The following ANKRD13C variants were observed in gnomAD, a reference collection of about 807,000 sequenced individuals.
ANKRD13C encodes ankyrin repeat domain-containing protein 13C.
In ANKRD13C, 16 loss-of-function variants were observed where a neutral mutation model predicts 65.5. The observed-to-expected ratio is 0.24, with a 90% confidence interval of 0.17 to 0.37. The LOEUF (loss-of-function observed/expected upper bound fraction) is 0.37, where lower values mean the gene tolerates loss of function less well. ANKRD13C is among the 10% of genes least tolerant of loss of function. The pLI is 1.00. For missense variants in ANKRD13C, 503 were observed against 655.9 expected, an observed-to-expected ratio of 0.77 and a Z score of 2.55; for synonymous variants, 235 against 238.7, an observed-to-expected ratio of 0.98 and a Z score of 0.14.
chr1:70,298,154 T>C (rs976203059), intron 7 of ANKRD13C, among the ~76,000 whole-genome samples: 1 of 152,174 alleles, frequency 6.6e-6, no homozygotes, highest in African/African-American at 2.4e-5. Flanking sequence ...ACTTCAAATA[T>C]ATTATGAATC....
chr1:70,313,776 A>G lies in ANKRD13C; in HGVS notation c.678T>C (p.Tyr226=), dbSNP rs762389695. The G allele has an allele frequency of 2.0e-5, 32 of 1,609,880 alleles. No individual in the cohort carries two copies. The highest frequency in any genetic ancestry group is 2.5e-5 in the Non-Finnish European group (30 of 1,176,794). The change falls in exon 5 of 13, where the codon TAT becomes TAC. Residue 226 remains tyrosine (Y), a synonymous_variant. Transcript: ENST00000370944. Reference sequence around the variant, plus strand: ...TTTGAAAATCCCAGTGAAGTTCTAGATAAAAGTCACCTAGCTGAAAAATGA... The same window carrying G: ...TTTGAAAATCCCAGTGAAGTTCTAGGTAAAAGTCACCTAGCTGAAAAATGA... ...LKALKELGDF[Y]LELHWDFQSW... is the part of the protein sequence containing the mutation.
intron 12 of ANKRD13C, among the ~76,000 whole-genome samples, chr1:70,266,339 T>C (rs1029904723): frequency 3.3e-5 from 5 of 152,242 alleles, no homozygotes; most frequent in African/African-American, 1.2e-4. Context: ...TATTGGTGAA[T>C]AGTATATCCC....
chr1:70,347,231 A>G (rs1209357663), intron 1 of ANKRD13C, among the ~76,000 whole-genome samples: 1 of 152,000 alleles, frequency 6.6e-6, no homozygotes, highest in Non-Finnish European at 1.5e-5. Flanking sequence ...TTGCTCTAAA[A>G]CTGATCACCC....
chr1:70,331,318 T>A (rs2101571339), intron 2 of ANKRD13C, among the ~76,000 whole-genome samples: 1 of 151,780 alleles, frequency 6.6e-6, no homozygotes, highest in South Asian at 2.1e-4. Flanking sequence ...CTCAACACTC[T>A]GGGAGGCCGA....
intron 9 of ANKRD13C, among the ~76,000 whole-genome samples, chr1:70,290,539 C>CT (rs768872701): frequency 0.014 from 1,973 of 142,182 alleles, 13 homozygotes; most frequent in South Asian, 0.038. Flanking sequence ...GATTTTTCTC[C>CT]TTTTTTTTTT....
At chr1:70,299,421 A>G (rs1471360893) in intron 7 of ANKRD13C, among the ~76,000 whole-genome samples, 1 of 152,228 alleles carries the variant, frequency 6.6e-6, no homozygotes, top group East Asian at 1.9e-4. Flanking sequence ...ATGTGTTTCT[A>G]AAGTTTAATG....
chr1:70,283,950 T>C (rs1448001470), intron 9 of ANKRD13C, among the ~76,000 whole-genome samples: 1 of 152,188 alleles, frequency 6.6e-6, no homozygotes, highest in African/African-American at 2.4e-5. Flanking sequence ...CAATGATAAC[T>C]GGTTACAACA....
chr1:70,261,682 TTC>T lies in ANKRD13C; in HGVS notation c.*1033_*1034del, dbSNP rs1161111544. 1 of 152,548 alleles carries T rather than the reference TTC, an allele frequency of 6.6e-6. No individual in the cohort carries two copies. The highest frequency in any genetic ancestry group is 1.5e-5 in the Non-Finnish European group (1 of 67,962). 9.4% of individuals were successfully genotyped at this position (152,548 alleles called of 1,614,324 possible). A position where few individuals can be genotyped will look rare whatever the true frequency, so the allele number is the denominator to read the frequency against. On this transcript the variant is annotated 3_prime_UTR_variant, in exon 13 of 13. Transcript: ENST00000370944. ...TGGACTTTAACTTGTAACAAATATA[TTC>T]TGTTAGCATATAAAATGTTTTTATC...
intron 9 of ANKRD13C, among the ~76,000 whole-genome samples, chr1:70,291,413 A>C (rs1679863656): frequency 6.6e-6 from 1 of 152,246 alleles, no homozygotes; most frequent in South Asian, 2.1e-4. Context: ...TAAAAAATAA[A>C]TTTAAGAATG....
Position 70,354,227 on chromosome 1 carries a change from A to T in ANKRD13C, c.182T>A (p.Leu61Gln). The T allele has an allele frequency of 6.2e-7, 1 of 1,613,646 alleles. No homozygotes were observed. The highest frequency in any genetic ancestry group is 8.5e-7 in the Non-Finnish European group (1 of 1,180,014). The change falls in exon 1 of 13, where the codon CTA (leucine) becomes CAA (glutamine). Residue 61 changes from leucine to glutamine, a missense_variant. Transcript: ENST00000370944. ...GGAGGCCGGAGCTGCCTTCAGCTGT[A>T]GCCGGTGGTGATGGTTACTGAAGAT... is the stretch of plus-strand genomic sequence containing the variant. Reference protein sequence around the residue: ...HKIFSNHHHRLQLKAAPASSN... With the variant: ...HKIFSNHHHRQQLKAAPASSN...
At chr1:70,284,212 C>T (rs1205535766) in intron 9 of ANKRD13C, among the ~76,000 whole-genome samples, 2 of 151,710 alleles carry the variant, frequency 1.3e-5, no homozygotes, top group African/African-American at 4.8e-5. Context: ...CAAGAAGAAA[C>T]CCAAAAGCTA....
chr1:70,313,878 T>C (rs1483063458), intron 4 of ANKRD13C, 88 bp from the exon 5 acceptor site: 6 of 908,036 alleles, frequency 6.6e-6, no homozygotes, highest in Non-Finnish European at 1.1e-5. Flanking sequence ...TAAAACATTA[T>C]AATACATGCA....
At chr1:70,268,461 G>A (rs2101108888) in intron 12 of ANKRD13C, among the ~76,000 whole-genome samples, 1 of 152,212 alleles carries the variant, frequency 6.6e-6, no homozygotes, top group East Asian at 1.9e-4. Context: ...TGTGCCCGGC[G>A]ATACAGCTAG....
rs779248014 is a variant in ANKRD13C at position 70,296,165 on chromosome 1, C to A, written c.1018G>T (p.Ala340Ser). ...LSTKSISFTR[A>S]QTGWLFREDK... ...TCCCGAAAAAGCCATCCTGTCTGGG[C>A]ACGCGTGAAAGAAATTGATTTTGTT... is the stretch of plus-strand genomic sequence containing the variant. Residue 340 changes from alanine (A) to serine (S), a missense_variant, in exon 8 of 13, where the codon GCC becomes TCC. Physicochemically the swap from Ala to Ser is moderately conservative, Grantham distance 99. Around this residue, in one of 2 missense-constraint regions of ANKRD13C, gnomAD observed 300 missense variants for 478.3 expected, o/e 0.63. Coordinates refer to ENST00000370944, the MANE Select transcript of ANKRD13C (RefSeq NM_030816.5). The A allele has an allele frequency of 2.5e-6, 4 of 1,613,892 alleles. No homozygotes were observed. The highest frequency in any genetic ancestry group is 1.1e-5 in the South Asian group (1 of 91,052).
At chr1:70,292,347 CT>C in intron 9 of ANKRD13C, 40 bp downstream of exon 9, 1 of 1,478,068 alleles carries the variant, frequency 6.8e-7, no homozygotes, top group Non-Finnish European at 9.1e-7. Flanking sequence ...TATCCCCTCT[CT>C]TCTTAGAAAA....
At chr1:70,314,967 G>A (rs777483740) in intron 4 of ANKRD13C, among the ~76,000 whole-genome samples, 1 of 152,130 alleles carries the variant, frequency 6.6e-6, no homozygotes, top group Non-Finnish European at 1.5e-5. Context: ...GGCCGGGCAC[G>A]GTGGCTCACG....
chr1:70,328,298 C>T (rs536780662), intron 2 of ANKRD13C, among the ~76,000 whole-genome samples: 3 of 152,136 alleles, frequency 2.0e-5, no homozygotes, highest in African/African-American at 7.2e-5. Context: ...AAGGAATGTT[C>T]ACGGTGTACT....
intron 3 of ANKRD13C, among the ~76,000 whole-genome samples, chr1:70,319,836 A>G (rs1681231313): frequency 6.6e-6 from 1 of 152,112 alleles, no homozygotes; most frequent in South Asian, 2.1e-4. Flanking sequence ...ATACTTCAGA[A>G]TGCCACAGAA....
At chr1:70,302,359 G>C (rs749191655) in intron 6 of ANKRD13C, among the ~76,000 whole-genome samples, 40 of 152,080 alleles carry the variant, frequency 2.6e-4, no homozygotes, top group Non-Finnish European at 4.6e-4. Context: ...CTAGCTTTTA[G>C]TCCACTCCCA....
Sources: allele counts gnomAD v4.1 joint callset (sites outside exome capture counted in the v4.1 genomes callset), GRCh38; gene constraint gnomAD v4.1.1; regional missense constraint gnomAD v4.1.1; transcripts MANE v1.5; gene names NCBI Gene and HGNC (gene_info 2026-07-23, HGNC 2026-07-21).